The following POM121C variants were observed in gnomAD, a reference collection of about 807,000 sequenced individuals.
The protein encoded by POM121C is POM121 transmembrane nucleoporin C, also known as nuclear envelope pore membrane protein POM 121C.
Under a neutral mutation model 66.4 loss-of-function variants are expected in POM121C, and 20 were observed. That is an observed-to-expected ratio of 0.30 (90% CI 0.21 to 0.44). The LOEUF (loss-of-function observed/expected upper bound fraction) is 0.44, where lower values mean the gene tolerates loss of function less well. Among genes scored for constraint, POM121C ranks in the 20% least tolerant of loss-of-function variants. The pLI, the probability that POM121C is intolerant of heterozygous loss-of-function variation, is 1.00. For synonymous variants in POM121C, 286 were observed against 528.0 expected, an observed-to-expected ratio of 0.54 and a Z score of 6.28; for missense variants, 580 against 1,225.7, an observed-to-expected ratio of 0.47 and a Z score of 7.87.
intron 7 of POM121C, among the ~76,000 whole-genome samples, chr7:75,429,200 C>T (rs1464791792): frequency 2.0e-5 from 3 of 152,200 alleles, no homozygotes; most frequent in African/African-American, 7.2e-5. Flanking sequence ...AACTCATTAT[C>T]ATAGACATGA....
intron 5 of POM121C, among the ~76,000 whole-genome samples, chr7:75,440,138 C>CT (rs1158027895): frequency 6.6e-6 from 1 of 152,008 alleles, no homozygotes; most frequent in Non-Finnish European, 1.5e-5. Flanking sequence ...GCCTCGGCCT[C>CT]TCAAGGTGCT....
intron 10 of POM121C, 155 bp from the exon 11 acceptor site, chr7:75,424,783 A>T (rs1192246851): frequency 1.6e-6 from 2 of 1,249,074 alleles, no homozygotes; most frequent in Admixed American, 4.2e-5. Flanking sequence ...ACATGGTGAA[A>T]CCCCATCTCT....
Position 75,417,682 on chromosome 7 carries a change from G to A in POM121C, c.*1114C>T, listed in dbSNP as rs1789523506. 1 of 985,816 alleles carries A rather than the reference G, an allele frequency of 1.0e-6. No homozygotes were observed. Among genetic ancestry groups the A allele is most frequent in the East Asian group, 1.1e-4 (1 of 8,808 alleles). The allele number at this position is 985,816 out of a possible 1,614,324, so 61.1% of individuals were successfully genotyped here. ...GCCTCCAGTGAGGTCAGTTAAGTGGGACAGAAACCGCAGAGGGAAGAGGTC... is the reference window on the plus strand; with the variant it reads ...GCCTCCAGTGAGGTCAGTTAAGTGGAACAGAAACCGCAGAGGGAAGAGGTC... On this transcript the variant is annotated 3_prime_UTR_variant, in exon 15 of 15. Coordinates refer to ENST00000615331, the MANE Select transcript of POM121C (RefSeq NM_001099415.3).
At chr7:75,427,557 G>A (rs1360602425) in intron 7 of POM121C, among the ~76,000 whole-genome samples, 1 of 150,706 alleles carries the variant, frequency 6.6e-6, no homozygotes, top group Non-Finnish European at 1.5e-5. Flanking sequence ...TCTTCCACCA[G>A]GTGAGTTCTT....
chr7:75,459,081 CAG>C (rs1554476677), intron 3 of POM121C, among the ~76,000 whole-genome samples: 1 of 146,972 alleles, frequency 6.8e-6, no homozygotes, highest in African/African-American at 2.5e-5. Context: ...GGAGATACAA[CAG>C]AGAAAAAAAT....
intron 3 of POM121C, among the ~76,000 whole-genome samples, chr7:75,467,040 A>G (rs1791678512): frequency 6.6e-6 from 1 of 152,210 alleles, no homozygotes; most frequent in Non-Finnish European, 1.5e-5. Flanking sequence ...TTAAAAAATA[A>G]TTCTCCAGGG....
chr7:75,468,126 TAA>T (rs368723160), intron 3 of POM121C, among the ~76,000 whole-genome samples: 569 of 64,224 alleles, frequency 8.9e-3, no homozygotes, highest in African/African-American at 0.012. Flanking sequence ...AGACTCTGTC[TAA>T]AAAAAAAAAA....
intron 3 of POM121C, among the ~76,000 whole-genome samples, chr7:75,467,140 T>C (rs1192172555): frequency 2.6e-4 from 39 of 152,224 alleles, no homozygotes; most frequent in Non-Finnish European, 4.3e-4. Context: ...TTCTCTTGCT[T>C]GGCCAGTTTT....
rs782456094 is a variant in POM121C at position 75,421,921 on chromosome 7, C to T, written c.2331G>A (p.Leu777=). The T allele has an allele frequency of 3.2e-5, 51 of 1,613,268 alleles. 1 individual carries two copies. The highest frequency in any genetic ancestry group is 2.3e-4 in the South Asian group (21 of 91,078). The part of the protein sequence containing the change: ...FGGATHSAFG[L]KATASAFGAP... ...CGCCGAAGGCGGAAGCCGTGGCTTTCAATCCAAACGCCGAGTGCGTGGCAC... is the reference window on the plus strand; with the variant it reads ...CGCCGAAGGCGGAAGCCGTGGCTTTTAATCCAAACGCCGAGTGCGTGGCAC... The change falls in exon 13 of 15, where the codon TTG becomes TTA. Residue 777 remains leucine, a synonymous_variant. Coordinates refer to ENST00000615331, the MANE Select transcript of POM121C (RefSeq NM_001099415.3).
chr7:75,471,395 G>A (rs587701946), intron 3 of POM121C, among the ~76,000 whole-genome samples: 1 of 151,956 alleles, frequency 6.6e-6, no homozygotes, highest in East Asian at 1.9e-4. Context: ...ATTTAGTAGA[G>A]ACGGGTTGGC....
intron 7 of POM121C, among the ~76,000 whole-genome samples, chr7:75,435,977 G>A (rs1563142709): frequency 6.6e-6 from 1 of 151,996 alleles, no homozygotes; most frequent in Admixed American, 6.6e-5. Flanking sequence ...CTTGAATTCA[G>A]GAAGCAGAGA....
At chr7:75,485,484 C>G (rs1331047635) in intron 1 of POM121C, among the ~76,000 whole-genome samples, 2 of 152,058 alleles carry the variant, frequency 1.3e-5, no homozygotes, top group African/African-American at 4.8e-5. Flanking sequence ...TCCTGCATTA[C>G]TACGATTCTC....
chr7:75,448,532 T>C (rs1348335479), intron 3 of POM121C, among the ~76,000 whole-genome samples: 3 of 135,234 alleles, frequency 2.2e-5, no homozygotes, highest in African/African-American at 8.5e-5. Flanking sequence ...CCAGGCGCAG[T>C]GGTTCACACC....
At chr7:75,457,856 T>G (rs1320291083) in intron 3 of POM121C, among the ~76,000 whole-genome samples, 1 of 152,240 alleles carries the variant, frequency 6.6e-6, no homozygotes, top group Non-Finnish European at 1.5e-5. Flanking sequence ...TTCTGTTTAA[T>G]AATAACTCCA....
intron 3 of POM121C, among the ~76,000 whole-genome samples, chr7:75,462,782 A>G (rs1303824471): frequency 2.0e-5 from 3 of 151,872 alleles, no homozygotes; most frequent in Non-Finnish European, 4.4e-5. Context: ...GCCTAGGCAA[A>G]AGATTACAGT....
chr7:75,465,030 T>C (rs587768876), intron 3 of POM121C, among the ~76,000 whole-genome samples: 13 of 151,114 alleles, frequency 8.6e-5, no homozygotes, highest in African/African-American at 2.9e-4. Flanking sequence ...GTTTCACTCT[T>C]GTTGTCTAAG....
chr7:75,442,167 G>A (rs1342475054), intron 3 of POM121C: 10 of 1,340,638 alleles, frequency 7.5e-6, no homozygotes, highest in Non-Finnish European at 9.6e-6. Flanking sequence ...CTCCCGGAGG[G>A]TCGGAGAAGA....
chr7:75,454,592 G>A (rs1427406948), intron 3 of POM121C, among the ~76,000 whole-genome samples: 6 of 152,188 alleles, frequency 3.9e-5, no homozygotes, highest in Non-Finnish European at 7.3e-5. Flanking sequence ...CTCCCAATCT[G>A]GTGACAGTAG....
At chr7:75,447,528 A>G (rs1467106888) in intron 3 of POM121C, among the ~76,000 whole-genome samples, 4 of 151,338 alleles carry the variant, frequency 2.6e-5, no homozygotes, top group Non-Finnish European at 1.5e-5. Context: ...GTGCAACTTG[A>G]TCTTTAAAGT....
Sources: allele counts gnomAD v4.1 joint callset (sites outside exome capture counted in the v4.1 genomes callset), GRCh38; gene constraint gnomAD v4.1.1; transcripts MANE v1.5; gene names NCBI Gene and HGNC (gene_info 2026-07-23, HGNC 2026-07-21).